The following LDB2 variants were observed in gnomAD, a reference collection of about 807,000 sequenced individuals.
LDB2 encodes LIM domain binding 2.
A neutral mutation model predicts 44.3 loss-of-function variants in LDB2; 12 were observed. The ratio of observed to expected loss-of-function variants is 0.27; its 90% CI spans 0.17 to 0.44. LDB2 has a LOEUF of 0.44. Among genes scored for constraint, LDB2 ranks in the 20% least tolerant of loss-of-function variants. The pLI, the probability that LDB2 is intolerant of heterozygous loss-of-function variation, is 1.00. For missense variants in LDB2, 344 were observed against 473.5 expected, an observed-to-expected ratio of 0.73 and a Z score of 2.54; for synonymous variants, 164 against 174.8, an observed-to-expected ratio of 0.94 and a Z score of 0.49.
At chr4:16,569,302 T>C (rs1745583549) in intron 5 of LDB2, among the ~76,000 whole-genome samples, 1 of 152,224 alleles carries the variant, frequency 6.6e-6, no homozygotes, top group South Asian at 2.1e-4. Flanking sequence ...TAATGATCCA[T>C]GGCATGATTG....
At chr4:16,743,632 T>C (rs1362178694) in intron 2 of LDB2, among the ~76,000 whole-genome samples, 1 of 151,982 alleles carries the variant, frequency 6.6e-6, no homozygotes, top group Non-Finnish European at 1.5e-5. Context: ...CTGCTTGTTG[T>C]AGAGGGGACC....
intron 5 of LDB2, chr4:16,581,312 T>A: frequency 3.0e-6 from 2 of 676,822 alleles, no homozygotes; most frequent in Non-Finnish European, 3.6e-6. Flanking sequence ...GTCAAGCAAC[T>A]TGCCCAGGGT....
intron 5 of LDB2, chr4:16,581,373 C>T (rs1331904275): frequency 1.0e-6 from 1 of 978,210 alleles, no homozygotes; most frequent in African/African-American, 1.8e-5. Flanking sequence ...GTTTAACTTA[C>T]TCCCAAGCCC....
intron 3 of LDB2, among the ~76,000 whole-genome samples, chr4:16,590,995 G>T (rs1489629581): frequency 6.6e-6 from 1 of 152,162 alleles, no homozygotes; most frequent in Non-Finnish European, 1.5e-5. Flanking sequence ...AGCCACCTGT[G>T]GTGACAGCTT....
chr4:16,857,452 C>T (rs560039910), intron 1 of LDB2, among the ~76,000 whole-genome samples: 2 of 152,304 alleles, frequency 1.3e-5, no homozygotes, highest in South Asian at 4.1e-4. Flanking sequence ...GAGCATTACA[C>T]AAAGTTTAAT....
chr4:16,511,167 A>G (rs774982259), intron 6 of LDB2, among the ~76,000 whole-genome samples: 1 of 152,138 alleles, frequency 6.6e-6, no homozygotes, highest in South Asian at 2.1e-4. Flanking sequence ...TGACCATTAT[A>G]TTTTGTGATT....
At chr4:16,821,773 A>T (rs2109975012) in intron 1 of LDB2, among the ~76,000 whole-genome samples, 1 of 146,510 alleles carries the variant, frequency 6.8e-6, no homozygotes, top group East Asian at 2.0e-4. Flanking sequence ...AAAAAAAATC[A>T]GGAATTTATA....
chr4:16,556,938 T>A (rs559461406), intron 5 of LDB2, among the ~76,000 whole-genome samples: 1 of 152,326 alleles, frequency 6.6e-6, no homozygotes, highest in South Asian at 2.1e-4. Flanking sequence ...AAATTAATCT[T>A]TTTTCAAGTA....
At chr4:16,868,573 G>T (rs1344277051) in intron 1 of LDB2, among the ~76,000 whole-genome samples, 1 of 152,136 alleles carries the variant, frequency 6.6e-6, no homozygotes, top group African/African-American at 2.4e-5. Context: ...ATTCACTCAG[G>T]CAGATGGGAA....
chr4:16,599,371 G>T lies in LDB2; in HGVS notation c.236-3496C>A, dbSNP rs138136988. On this transcript the variant is annotated intron_variant, in intron 2 of 7. Coordinates refer to ENST00000304523, the MANE Select transcript of LDB2 (RefSeq NM_001290.5). ...TAGTGGGAAGTTGGGGCCTGGCGAG[G>T]CATCATTCTCACTCTGTCTTCTGCC... 3.9e-5 allele frequency among the ~76,000 whole-genome samples: 6 copies of T among 152,150 alleles called. No individual in the cohort carries two copies. In the East Asian group the frequency reaches 1.2e-3, roughly 29 times the overall value.
intron 1 of LDB2, among the ~76,000 whole-genome samples, chr4:16,885,854 G>A (rs1721520205): frequency 1.3e-5 from 2 of 152,114 alleles, no homozygotes; most frequent in Non-Finnish European, 2.9e-5. Flanking sequence ...AATGCTAACG[G>A]TCATTATAAT....
At chr4:16,674,235 A>T in intron 2 of LDB2, 1 of 1,288,886 alleles carries the variant, frequency 7.8e-7, no homozygotes, top group South Asian at 1.2e-5. Flanking sequence ...CATGATAGGA[A>T]ATTGTAATAA....
At chr4:16,740,782 A>G (rs1303449404) in intron 2 of LDB2, among the ~76,000 whole-genome samples, 6 of 152,216 alleles carry the variant, frequency 3.9e-5, no homozygotes. Context: ...GCATATTTTC[A>G]TTCATAGTTT....
chr4:16,698,873 T>C (rs956711799), intron 2 of LDB2, among the ~76,000 whole-genome samples: 2 of 152,226 alleles, frequency 1.3e-5, no homozygotes, highest in Admixed American at 6.5e-5. Context: ...CAAAGTTATA[T>C]AGAATACAAA....
chr4:16,618,438 T>A (rs1727964656), intron 2 of LDB2, among the ~76,000 whole-genome samples: 1 of 152,230 alleles, frequency 6.6e-6, no homozygotes, highest in African/African-American at 2.4e-5. Context: ...CAGCACCTAA[T>A]AAGAGTGATG....
intron 1 of LDB2, among the ~76,000 whole-genome samples, chr4:16,805,571 T>C (rs1419436850): frequency 1.3e-5 from 2 of 152,036 alleles, no homozygotes; most frequent in South Asian, 4.2e-4. Flanking sequence ...ATCCAGGGTA[T>C]GGAGAGAGAT....
At chr4:16,698,831 T>C (rs943398373) in intron 2 of LDB2, among the ~76,000 whole-genome samples, 10 of 152,240 alleles carry the variant, frequency 6.6e-5, no homozygotes, top group African/African-American at 2.4e-4. Context: ...TGTATGTTTA[T>C]GTAACAAGCA....
chr4:16,646,258 T>A (rs890709995), intron 2 of LDB2, among the ~76,000 whole-genome samples: 2 of 152,210 alleles, frequency 1.3e-5, no homozygotes, highest in Middle Eastern at 3.2e-3. Flanking sequence ...TCTTTCCGCT[T>A]TCTTTTTTTG....
rs1423858935 is a variant in LDB2, at chr4:16,595,849, A to G, written c.262T>C (p.Tyr88His). The change falls in exon 3 of 8, where the codon TAC becomes CAC. Residue 88 changes from tyrosine to histidine, a missense_variant. By Grantham distance (83) the Tyr-to-His change is moderately conservative (BLOSUM62 2). This residue lies in a region of LDB2 where 226 missense variants were observed against 270.1 expected (regional missense o/e 0.84). Coordinates refer to ENST00000304523, the MANE Select transcript of LDB2 (RefSeq NM_001290.5). ...YTIGRTLIPR[Y>H]FSTVFEGGVT... is the part of the protein sequence containing the mutation. ...CCTCCTTCAAACACAGTGCTAAAGT[A>G]ACGGGGGATGAGGGTCCTGCCGATA... 2 of 1,613,160 alleles carry G rather than the reference A, an allele frequency of 1.2e-6. No individual in the cohort carries two copies. Among genetic ancestry groups the G allele is most frequent in the African/African-American group, 2.7e-5 (2 of 74,850 alleles).
Sources: allele counts gnomAD v4.1 joint callset (sites outside exome capture counted in the v4.1 genomes callset), GRCh38; gene constraint gnomAD v4.1.1; regional missense constraint gnomAD v4.1.1; transcripts MANE v1.5; gene names NCBI Gene and HGNC (gene_info 2026-07-23, HGNC 2026-07-21).